The following KALRN variants were observed in gnomAD, a reference collection of about 807,000 sequenced individuals.
The protein encoded by KALRN is kalirin.
A neutral mutation model predicts 353.7 loss-of-function variants in KALRN; 70 were observed. That is an observed-to-expected ratio of 0.20 (90% CI 0.16 to 0.24). The LOEUF (loss-of-function observed/expected upper bound fraction) is 0.24. Ranked by LOEUF, KALRN falls within the 10% of genes least tolerant of loss-of-function variation. The pLI, the probability that KALRN is intolerant of heterozygous loss-of-function variation, is 1.00. For missense variants in KALRN, 2,791 were observed against 3,756.7 expected, an observed-to-expected ratio of 0.74 and a Z score of 6.72; for synonymous variants, 1,391 against 1,434.8, an observed-to-expected ratio of 0.97 and a Z score of 0.69.
chr3:124,421,239 C>T (rs1321049409), intron 14 of KALRN, among the ~76,000 whole-genome samples: 3 of 151,950 alleles, frequency 2.0e-5, no homozygotes, highest in African/African-American at 4.8e-5. Context: ...TGAACAAGGC[C>T]GAATAAGAAA....
At chr3:124,596,492 C>G (rs530245653) in intron 34 of KALRN, among the ~76,000 whole-genome samples, 43 of 152,118 alleles carry the variant, frequency 2.8e-4, no homozygotes, top group Non-Finnish European at 5.3e-4. Flanking sequence ...AAAAAAACCC[C>G]ACAATAGCTC....
intron 7 of KALRN, among the ~76,000 whole-genome samples, chr3:124,326,929 G>T (rs1042559397): frequency 3.3e-5 from 5 of 152,108 alleles, no homozygotes; most frequent in Non-Finnish European, 7.4e-5. Context: ...ACAACATATT[G>T]TTATTACCTA....
At chr3:124,642,806 G>GTTTTTTTTTTTTTTTTTT (rs71145471) in intron 37 of KALRN, among the ~76,000 whole-genome samples, 1 of 96,838 alleles carries the variant, frequency 1.0e-5, no homozygotes, top group Admixed American at 1.3e-4. Flanking sequence ...CCCAAGCCTC[G>GTTTTTTTTTTTTTTTTTT]TTTTTTTTTT....
At chr3:124,595,172 CT>C (rs956842390) in intron 34 of KALRN, among the ~76,000 whole-genome samples, 1 of 148,954 alleles carries the variant, frequency 6.7e-6, no homozygotes, top group Non-Finnish European at 1.5e-5. Flanking sequence ...TTCTTTTGGT[CT>C]TTTTTTTCCA....
chr3:124,416,724 C>A (rs1176597218), intron 14 of KALRN, among the ~76,000 whole-genome samples: 1 of 152,190 alleles, frequency 6.6e-6, no homozygotes, highest in Non-Finnish European at 1.5e-5. Flanking sequence ...GGCCTTATCC[C>A]CCAATGGCTG....
At chr3:124,667,447 C>A (rs1056566249) in intron 47 of KALRN, among the ~76,000 whole-genome samples, 14 of 152,232 alleles carry the variant, frequency 9.2e-5, no homozygotes, top group Admixed American at 8.5e-4. Context: ...GTGGCCATCA[C>A]TACCACCTGG....
At chr3:124,699,032 G>A (rs919420545) in intron 55 of KALRN, among the ~76,000 whole-genome samples, 12 of 152,068 alleles carry the variant, frequency 7.9e-5, no homozygotes, top group African/African-American at 2.7e-4. Context: ...CCTATCCCCC[G>A]AACCAAAACC....
At chr3:124,272,369 A>C (rs2074257948) in intron 5 of KALRN, among the ~76,000 whole-genome samples, 1 of 152,212 alleles carries the variant, frequency 6.6e-6, no homozygotes, top group Non-Finnish European at 1.5e-5. Flanking sequence ...ACACACACTA[A>C]TGCAGTTTGT....
chr3:124,085,971 A>G (rs955526423), intron 1 of KALRN, among the ~76,000 whole-genome samples: 1 of 152,212 alleles, frequency 6.6e-6, no homozygotes, highest in Non-Finnish European at 1.5e-5. Context: ...TATTTCGCAA[A>G]TCATATCCTT....
chr3:124,155,174 A>G (rs930952750), intron 1 of KALRN, among the ~76,000 whole-genome samples: 5 of 152,184 alleles, frequency 3.3e-5, no homozygotes, highest in African/African-American at 1.2e-4. Context: ...AAACCTGGCC[A>G]TTACCATTCA....
At chr3:124,343,796 C>G (rs764951125) in intron 9 of KALRN, among the ~76,000 whole-genome samples, 1 of 152,230 alleles carries the variant, frequency 6.6e-6, no homozygotes, top group Non-Finnish European at 1.5e-5. Flanking sequence ...GATTTAGTGT[C>G]TAGTGCTTGT....
intron 11 of KALRN, among the ~76,000 whole-genome samples, chr3:124,390,320 A>C (rs1290342380): frequency 2.6e-5 from 4 of 152,240 alleles, no homozygotes; most frequent in Non-Finnish European, 5.9e-5. Context: ...AACATGGCCA[A>C]AGTAACCAGC....
At chr3:124,591,471 G>A (rs2075766993) in intron 34 of KALRN, among the ~76,000 whole-genome samples, 1 of 152,142 alleles carries the variant, frequency 6.6e-6, no homozygotes, top group Non-Finnish European at 1.5e-5. Flanking sequence ...CCCTTTCACA[G>A]TCATTGCATC....
rs1165923460 is a variant in KALRN at position 124,697,017 on chromosome 3, T to C, written c.7700-576T>C. ...TCACTGCAGCCTCAACCTCCCAGGC[T>C]CAAGCTATCCTCCCACCTCAGCCTT... On this transcript the variant is annotated intron_variant, in intron 54 of 59. Coordinates refer to ENST00000682506, the MANE Select transcript of KALRN (RefSeq NM_001388419.1). Among the ~76,000 whole-genome samples, 3 of 152,314 alleles carry C rather than the reference T, an allele frequency of 2.0e-5. No homozygotes were observed. The South Asian group carries it at 6.2e-4, about 32-fold the overall frequency.
rs193178247 is a variant in KALRN at position 124,212,551 on chromosome 3, G to A, written c.74-15439G>A. Among the ~76,000 whole-genome samples, 15 of 152,090 alleles carry A rather than the reference G, an allele frequency of 9.9e-5. No homozygotes were observed. The East Asian group carries it at 2.9e-3, about 29-fold the overall frequency. On this transcript the variant is annotated intron_variant, in intron 1 of 59. Coordinates refer to ENST00000682506, the MANE Select transcript of KALRN (RefSeq NM_001388419.1). ...ATACTTAGGATATTTGCAATTTGGG[G>A]CCACATTAAAAAGTATTGCATGAAA... is the stretch of plus-strand genomic sequence containing the variant.
chr3:124,319,735 G>T (rs1272665028), intron 6 of KALRN, among the ~76,000 whole-genome samples: 1 of 152,030 alleles, frequency 6.6e-6, no homozygotes, highest in Non-Finnish European at 1.5e-5. Context: ...GCTCACACCT[G>T]TAATCCCAGC....
chr3:124,463,816 T>C (rs1417308656), intron 25 of KALRN, among the ~76,000 whole-genome samples: 1 of 152,172 alleles, frequency 6.6e-6, no homozygotes, highest in Non-Finnish European at 1.5e-5. Flanking sequence ...ATTCCTGGTA[T>C]GTCATCAGAT....
At chr3:124,497,436 T>C (rs1411135357) in intron 33 of KALRN, among the ~76,000 whole-genome samples, 1 of 152,178 alleles carries the variant, frequency 6.6e-6, no homozygotes, top group East Asian at 1.9e-4. Flanking sequence ...CATTAGGATT[T>C]TTCCTATTTT....
chr3:124,633,228 A>C (rs1398507396), intron 35 of KALRN, among the ~76,000 whole-genome samples: 2 of 152,252 alleles, frequency 1.3e-5, no homozygotes, highest in African/African-American at 4.8e-5. Context: ...GGAGTCAGTC[A>C]GTGATTAAAT....
Sources: allele counts gnomAD v4.1 joint callset (sites outside exome capture counted in the v4.1 genomes callset), GRCh38; gene constraint gnomAD v4.1.1; transcripts MANE v1.5; gene names NCBI Gene and HGNC (gene_info 2026-07-23, HGNC 2026-07-21).